SUCLG2: variants seen among roughly 807,000 people sequenced by gnomAD.
SUCLG2 encodes the protein succinate--CoA ligase [GDP-forming] subunit beta, mitochondrial.
In SUCLG2, 42 loss-of-function variants were observed where a neutral mutation model predicts 47.9. That is an observed-to-expected ratio of 0.88 (90% CI 0.69 to 1.14). The LOEUF (loss-of-function observed/expected upper bound fraction) is 1.14. Ranked by LOEUF, SUCLG2 falls within the 50% of genes most tolerant of loss-of-function variation. The pLI, the probability that SUCLG2 is intolerant of heterozygous loss-of-function variation, is 0.00. For synonymous variants in SUCLG2, 195 were observed against 197.3 expected, an observed-to-expected ratio of 0.99 and a Z score of 0.10; for missense variants, 571 against 525.9, an observed-to-expected ratio of 1.09 and a Z score of -0.84.
At chr3:67,380,083 T>C (rs1307972626) in intron 10 of SUCLG2, among the ~76,000 whole-genome samples, 6 of 152,024 alleles carry the variant, frequency 3.9e-5, no homozygotes, top group Non-Finnish European at 7.4e-5. Context: ...TACTTTTTGA[T>C]AGATCTCCTT....
rs1480762790 is a variant in SUCLG2 at position 67,360,660 on chromosome 3, C to G, written c.1292G>C (p.Ser431Thr). The change falls in exon 11 of 11, where the codon AGT (serine) becomes ACT (threonine). Residue 431 changes from serine (S) to threonine (T), a missense_variant. Physicochemically the swap from Ser to Thr is moderately conservative, Grantham distance 58. Coordinates refer to the SUCLG2 transcript ENST00000493112. Reference sequence around the variant, plus strand: ...TAAAAAAATGCTGATGGCACACTTACTCAGATTTTGGTGGGCGACGTTCTC... The same window carrying G: ...TAAAAAAATGCTGATGGCACACTTAGTCAGATTTTGGTGGGCGACGTTCTC... 10 of 1,516,538 alleles carry G rather than the reference C, an allele frequency of 6.6e-6. 1 individual carries two copies. The South Asian group carries it at 1.2e-4, about 19-fold the overall frequency. 93.9% of individuals were successfully genotyped at this position (1,516,538 alleles called of 1,614,324 possible).
At chr3:67,500,421 T>C (rs1032012688) in intron 7 of SUCLG2, among the ~76,000 whole-genome samples, 8 of 152,184 alleles carry the variant, frequency 5.3e-5, no homozygotes, top group African/African-American at 1.9e-4. Flanking sequence ...AGAGAGAATC[T>C]TATATGGAAG....
intron 10 of SUCLG2, among the ~76,000 whole-genome samples, chr3:67,379,343 A>G (rs936312261): frequency 4.6e-5 from 7 of 151,824 alleles, no homozygotes; most frequent in Non-Finnish European, 8.8e-5. Flanking sequence ...CAGCTCTAAG[A>G]CCTCCAGATA....
At chr3:67,380,027 G>T (rs1048274556) in intron 10 of SUCLG2, among the ~76,000 whole-genome samples, 1 of 152,194 alleles carries the variant, frequency 6.6e-6, no homozygotes, top group South Asian at 2.1e-4. Context: ...ACTCCAGATG[G>T]ATTCCCACAT....
intron 9 of SUCLG2, among the ~76,000 whole-genome samples, chr3:67,479,013 G>T (rs1346471974): frequency 6.6e-6 from 1 of 152,188 alleles, no homozygotes; most frequent in Admixed American, 6.5e-5. Context: ...ATCTACAAAT[G>T]GGAATTAAAA....
chr3:67,578,147 C>T (rs1707789562), intron 2 of SUCLG2, among the ~76,000 whole-genome samples: 3 of 150,600 alleles, frequency 2.0e-5, no homozygotes, highest in South Asian at 2.1e-4. Flanking sequence ...TTATAAGTTA[C>T]ACAATGAATA....
At chr3:67,397,681 T>C (rs1443269819) in intron 10 of SUCLG2, among the ~76,000 whole-genome samples, 1 of 152,148 alleles carries the variant, frequency 6.6e-6, no homozygotes, top group Admixed American at 6.5e-5. Flanking sequence ...TTAAAGTTCA[T>C]ATGGAACCAA....
intron 2 of SUCLG2, among the ~76,000 whole-genome samples, chr3:67,600,033 G>A (rs1272302708): frequency 1.3e-5 from 2 of 152,172 alleles, no homozygotes; most frequent in Non-Finnish European, 2.9e-5. Context: ...CATCTTAAAA[G>A]CATAATTCCA....
intron 9 of SUCLG2, among the ~76,000 whole-genome samples, chr3:67,476,352 T>C (rs1230488891): frequency 6.6e-6 from 1 of 152,052 alleles, no homozygotes; most frequent in East Asian, 1.9e-4. Flanking sequence ...CCCATGAGCA[T>C]GATCCCTATT....
chr3:67,458,147 G>A (rs1046739993), intron 9 of SUCLG2, among the ~76,000 whole-genome samples: 12 of 152,256 alleles, frequency 7.9e-5, no homozygotes, highest in Admixed American at 3.9e-4. Flanking sequence ...CCTGCCAGCT[G>A]AATGCAGTCA....
At chr3:67,550,791 A>G (rs1706991466) in intron 2 of SUCLG2, among the ~76,000 whole-genome samples, 1 of 151,926 alleles carries the variant, frequency 6.6e-6, no homozygotes, top group South Asian at 2.1e-4. Context: ...GTCCCCTTCT[A>G]GGGGTCTGAG....
At chr3:67,542,355 C>T (rs763611520) in intron 2 of SUCLG2, among the ~76,000 whole-genome samples, 18 of 152,206 alleles carry the variant, frequency 1.2e-4, no homozygotes, top group Non-Finnish European at 2.2e-4. Flanking sequence ...AGCAAAAACC[C>T]GGAACAGCCA....
intron 8 of SUCLG2, among the ~76,000 whole-genome samples, chr3:67,497,089 G>C (rs1013604995): frequency 1.3e-5 from 2 of 152,082 alleles, no homozygotes; most frequent in African/African-American, 4.8e-5. Flanking sequence ...TACAAATATT[G>C]AGAGTGCATT....
intron 9 of SUCLG2, among the ~76,000 whole-genome samples, chr3:67,412,190 A>G (rs1054477568): frequency 3.3e-5 from 5 of 152,220 alleles, no homozygotes; most frequent in African/African-American, 1.2e-4. Context: ...GGAGAAAATT[A>G]GAAACTACAT....
intron 2 of SUCLG2, among the ~76,000 whole-genome samples, chr3:67,576,843 T>G (rs1044991175): frequency 1.3e-5 from 2 of 152,260 alleles, no homozygotes; most frequent in Non-Finnish European, 1.5e-5. Context: ...GCTTGAACAC[T>G]TCTAATCCTC....
chr3:67,536,900 A>T (rs1485285610), intron 2 of SUCLG2, among the ~76,000 whole-genome samples: 1 of 152,216 alleles, frequency 6.6e-6, no homozygotes, highest in Admixed American at 6.5e-5. Flanking sequence ...AAAGATTTTC[A>T]TTGCAATGTA....
At chr3:67,596,186 A>T (rs1366192297) in intron 2 of SUCLG2, among the ~76,000 whole-genome samples, 5 of 152,198 alleles carry the variant, frequency 3.3e-5, no homozygotes. Flanking sequence ...GGTTGTCTAT[A>T]GGATCTATCT....
intron 9 of SUCLG2, among the ~76,000 whole-genome samples, chr3:67,462,774 C>T (rs532120538): frequency 6.6e-6 from 1 of 152,296 alleles, no homozygotes; most frequent in East Asian, 1.9e-4. Context: ...GTAAAACAAC[C>T]TGGAGCTTGC....
intron 9 of SUCLG2, among the ~76,000 whole-genome samples, chr3:67,425,623 C>G (rs1703279931): frequency 1.3e-5 from 2 of 152,194 alleles, no homozygotes; most frequent in Admixed American, 1.3e-4. Context: ...GGCCTTTAGA[C>G]TTAGACTGGA....
Sources: allele counts gnomAD v4.1 joint callset (sites outside exome capture counted in the v4.1 genomes callset), GRCh38; gene constraint gnomAD v4.1.1; transcripts MANE v1.5; gene names NCBI Gene and HGNC (gene_info 2026-07-23, HGNC 2026-07-21).